The following MUC4 variants were observed in gnomAD, a reference collection of about 807,000 sequenced individuals.
The protein encoded by MUC4 is mucin 4, cell surface associated, also known as mucin-4.
Under a neutral mutation model 257.9 loss-of-function variants are expected in MUC4, and 202 were observed. That is an observed-to-expected ratio of 0.78 (90% CI 0.70 to 0.88). The LOEUF (loss-of-function observed/expected upper bound fraction) is 0.88, where lower values mean the gene tolerates loss of function less well. MUC4 is among the 40% of genes least tolerant of loss of function. The probability of loss-of-function intolerance (pLI) is 0.00; values close to 1 mark genes in which losing one functional copy is unlikely to be tolerated. For missense variants in MUC4, 5,976 were observed against 6,513.7 expected, an observed-to-expected ratio of 0.92 and a Z score of 2.84; for synonymous variants, 2,351 against 2,757.1, an observed-to-expected ratio of 0.85 and a Z score of 4.62.
chr3:195,802,124 G>C (rs1735401721), intron 1 of MUC4, among the ~76,000 whole-genome samples: 1 of 152,198 alleles, frequency 6.6e-6, no homozygotes, highest in South Asian at 2.1e-4. Context: ...CAATGCAACA[G>C]GTCCAGGTCA....
rs1317742026 is a variant in MUC4 at position 195,782,251 on chromosome 3, G to T, written c.9329C>A (p.Pro3110His). 4.1e-6 allele frequency: 6 copies of T among 1,474,752 alleles called. No homozygotes were observed. Among genetic ancestry groups the T allele is most frequent in the East Asian group, 5.0e-5 (2 of 39,782 alleles). The allele number at this position is 1,474,752 out of a possible 1,614,324, so 91.4% of individuals were successfully genotyped here. A position where few individuals can be genotyped will look rare whatever the true frequency, so the allele number is the denominator to read the frequency against. ...GGTGTGACCTGTGGATGCTGAGGAA[G>T]GGCTAGTGACAGGAAGAGGCGTGGT... Reference protein sequence around the residue: ...GDTTPLPVTSPSSASTGHTTP... With the variant: ...GDTTPLPVTSHSSASTGHTTP... Residue 3110 changes from proline to histidine, a missense_variant, in exon 2 of 25, where the codon CCT becomes CAT. By Grantham distance (77) the Pro-to-His change is moderately conservative. Around this residue, in one of 44 missense-constraint regions of MUC4, gnomAD observed 128 missense variants for 104.8 expected, o/e 1.22. Transcript: ENST00000463781.
rs1446203078 is a variant in MUC4, at chr3:195,782,805, C to T, written c.8775G>A (p.Gln2925=). Reference sequence around the variant, plus strand: ...GGCTGGTGACAGGAAGAGGGGTGGCCTGACCTGTGGATGCTGAGGAAGTGT... The same window carrying T: ...GGCTGGTGACAGGAAGAGGGGTGGCTTGACCTGTGGATGCTGAGGAAGTGT... ...VTDTSSASTG[Q]ATPLPVTSLS... Residue 2925 remains glutamine, a synonymous_variant, in exon 2 of 25, where the codon CAG becomes CAA. Coordinates refer to ENST00000463781, the MANE Select transcript of MUC4 (RefSeq NM_018406.7). 1 of 934,820 alleles carries T rather than the reference C, an allele frequency of 1.1e-6. No individual in the cohort carries two copies. The highest frequency in any genetic ancestry group is 1.3e-6 in the Non-Finnish European group (1 of 766,766). 57.9% of individuals were successfully genotyped at this position (934,820 alleles called of 1,614,324 possible). A position where few individuals can be genotyped will look rare whatever the true frequency, so the allele number is the denominator to read the frequency against.
rs772813508 is a variant in MUC4 at position 195,759,136 on chromosome 3, A to C, written c.14974T>G (p.Leu4992Val). The C allele has an allele frequency of 7.1e-5, 114 of 1,613,842 alleles. No individual in the cohort carries two copies. Among genetic ancestry groups the C allele is most frequent in the Middle Eastern group, 1.7e-4 (1 of 6,056 alleles). The change falls in exon 17 of 25, where the codon TTG (leucine) becomes GTG (valine). Residue 4992 changes from leucine to valine, a missense_variant. Transcript: ENST00000463781. ...NFTLRDSCTD[L>V]ELFENGTLLW... Reference sequence around the variant, plus strand: ...CAAATAGTCCTACCAAAGAGCTCCAAGTCGGTGCAGCTGTCTCTGAGCGTG... The same window carrying C: ...CAAATAGTCCTACCAAAGAGCTCCACGTCGGTGCAGCTGTCTCTGAGCGTG...
rs750033021 is a variant in MUC4 at position 195,778,289 on chromosome 3, C to T, written c.12943+14G>A. 8 of 1,602,298 alleles carry T rather than the reference C, an allele frequency of 5.0e-6. No individual in the cohort carries two copies. The highest frequency in any genetic ancestry group is 2.2e-5 in the South Asian group (2 of 90,056). ...ACCCCTCAAAAGGCACAGGCCTCACCTGTATGGCCTCACCTCTCTCAGGCA... is the reference window on the plus strand; with the variant it reads ...ACCCCTCAAAAGGCACAGGCCTCACTTGTATGGCCTCACCTCTCTCAGGCA... On this transcript the variant is annotated intron_variant, in intron 3 of 24. Transcript: ENST00000463781.
intron 1 of MUC4, among the ~76,000 whole-genome samples, chr3:195,811,463 G>A (rs900048935): frequency 1.3e-5 from 2 of 151,960 alleles, no homozygotes; most frequent in Non-Finnish European, 2.9e-5. Flanking sequence ...ATGAGCCACC[G>A]CGCACGGCCT....
At position 195,747,048 on chromosome 3, in the gene MUC4, A is replaced by G; in HGVS notation, c.*128T>C. On this transcript the variant is annotated 3_prime_UTR_variant, in exon 25 of 25. Transcript: ENST00000463781. ...AGTCTTGTCTTGATTCCCAGTATTC[A>G]TTCTCCTTGAAGAATCCTGACAGCC... 3.9e-6 allele frequency: 5 copies of G among 1,287,692 alleles called. No homozygotes were observed. Among genetic ancestry groups the G allele is most frequent in the Non-Finnish European group, 5.5e-6 (5 of 909,448 alleles). The allele number at this position is 1,287,692 out of a possible 1,614,324, so 79.8% of individuals were successfully genotyped here. A position where few individuals can be genotyped will look rare whatever the true frequency, so the allele number is the denominator to read the frequency against.
At chr3:195,793,153 A>T (rs1734084928) in intron 1 of MUC4, among the ~76,000 whole-genome samples, 1 of 152,100 alleles carries the variant, frequency 6.6e-6, no homozygotes, top group African/African-American at 2.4e-5. Flanking sequence ...TAAAAAGAAA[A>T]AATGAAAAAT....
In MUC4 at chr3:195,746,883, C is replaced by G; in HGVS notation, c.*293G>C. 2.4e-6 allele frequency: 1 copy of G among 424,416 alleles called. No homozygotes were observed. Among genetic ancestry groups the G allele is most frequent in the Admixed American group, 4.3e-5 (1 of 23,076 alleles). 26.3% of individuals were successfully genotyped at this position (424,416 alleles called of 1,614,324 possible). On this transcript the variant is annotated 3_prime_UTR_variant, in exon 25 of 25. Transcript: ENST00000463781. ...CTTAGGGCCATCACCACATTATGAA[C>G]TCGTGTGTGTGTGTGTGTGTGTGCA... is the stretch of plus-strand genomic sequence containing the variant.
rs112080314 is a variant in MUC4, at chr3:195,766,677, A to G, written c.13604T>C (p.Leu4535Pro). ...VWERYRPDRF[L>P]NSNSGLQGLQ... ...GGCACTTTTACCTGAGTTGGAATTC[A>G]GGAATCTATCAGGGCGATACCTCTC... is the stretch of plus-strand genomic sequence containing the variant. The change falls in exon 8 of 25, where the codon CTG becomes CCG. Residue 4535 changes from leucine to proline, a missense_variant. Physicochemically the swap from Leu to Pro is moderately conservative, Grantham distance 98 (BLOSUM62 -3). Around this residue, in one of 44 missense-constraint regions of MUC4, gnomAD observed 996 missense variants for 1,137.3 expected, o/e 0.88. Transcript: ENST00000463781. The G allele has an allele frequency of 1.2e-6, 2 of 1,614,186 alleles. No homozygotes were observed. The highest frequency in any genetic ancestry group is 1.7e-6 in the Non-Finnish European group (2 of 1,180,024).
In MUC4 at chr3:195,787,913, A is replaced by T. The variant is rs753716886; in HGVS notation, c.3667T>A (p.Ser1223Thr). 1 of 881,966 alleles carries T rather than the reference A, an allele frequency of 1.1e-6. No homozygotes were observed. Among genetic ancestry groups the T allele is most frequent in the Non-Finnish European group, 1.6e-6 (1 of 627,294 alleles). 54.6% of individuals were successfully genotyped at this position (881,966 alleles called of 1,614,324 possible). ...HATPLPVTDA[S>T]SVSTDHATSL... ...GTGGCGTGATCTGTGGACACTGAGGAAGCGTCGGTGACAGGAAGAGGGGTG... is the reference window on the plus strand; with the variant it reads ...GTGGCGTGATCTGTGGACACTGAGGTAGCGTCGGTGACAGGAAGAGGGGTG... The change falls in exon 2 of 25, where the codon TCC (serine) becomes ACC (threonine). Residue 1223 changes from serine (S) to threonine (T), a missense_variant. By Grantham distance (58) the Ser-to-Thr change is moderately conservative (BLOSUM62 1). This residue lies in a region of MUC4 where 90 missense variants were observed against 106.2 expected (regional missense o/e 0.85). Coordinates refer to ENST00000463781, the MANE Select transcript of MUC4 (RefSeq NM_018406.7).
intron 20 of MUC4, 172 bp from the exon 21 acceptor site, chr3:195,752,618 A>T: frequency 2.3e-6 from 1 of 435,862 alleles, no homozygotes; most frequent in Middle Eastern, 5.7e-4. Flanking sequence ...AGGTCGCTGA[A>T]GAAACCGGGA....
rs759724771 is a variant in MUC4, at chr3:195,782,564, C to T, written c.9016G>A (p.Ala3006Thr). The T allele has an allele frequency of 3.6e-5, 33 of 908,930 alleles. 2 individuals are homozygous for T. Among genetic ancestry groups the T allele is most frequent in the African/African-American group, 1.4e-4 (7 of 50,544 alleles). The allele number at this position is 908,930 out of a possible 1,614,324, so 56.3% of individuals were successfully genotyped here. Residue 3006 changes from alanine to threonine, a missense_variant, in exon 2 of 25, where the codon GCC becomes ACC. Ala to Thr is a moderately conservative substitution (Grantham distance 58). Coordinates refer to ENST00000463781, the MANE Select transcript of MUC4 (RefSeq NM_018406.7). Reference sequence around the variant, plus strand: ...GTGTCGGTGACAGGAAGAGAGGTGGCGTGACCTATGGATGCTGAGGAAGTG... The same window carrying T: ...GTGTCGGTGACAGGAAGAGAGGTGGTGTGACCTATGGATGCTGAGGAAGTG... ...TDTSSASIGH[A>T]TSLPVTDTSS... is the part of the protein sequence containing the mutation.
Position 195,754,394 on chromosome 3 carries a change from C to T in MUC4, c.15169-22G>A, listed in dbSNP as rs377545057. On this transcript the variant is annotated intron_variant, in intron 18 of 24. Coordinates refer to ENST00000463781, the MANE Select transcript of MUC4 (RefSeq NM_018406.7). ...CCACCTGGAGGAGGGTTGCCGATCACGGGCGGCCAGGAGACCAAACTGGGA... is the reference window on the plus strand; with the variant it reads ...CCACCTGGAGGAGGGTTGCCGATCATGGGCGGCCAGGAGACCAAACTGGGA... 26 of 1,590,760 alleles carry T rather than the reference C, an allele frequency of 1.6e-5. 1 individual carries two copies. In the East Asian group the frequency reaches 1.8e-4, roughly 11 times the overall value.
At chr3:195,795,238 G>A (rs142213244) in intron 1 of MUC4, among the ~76,000 whole-genome samples, 2 of 152,112 alleles carry the variant, frequency 1.3e-5, no homozygotes, top group African/African-American at 4.8e-5. Context: ...AGCTATCTAG[G>A]GGCCAAACTT....
In MUC4 at chr3:195,763,533, AAGG is replaced by A. The variant is rs749531024; in HGVS notation, c.14150_14152del (p.Ser4717del). On this transcript the variant is annotated inframe_deletion, in exon 12 of 25. Transcript: ENST00000463781. ...CTGGGCGGTGCGGCCCTGAAGCAGG[AAGG>A]AGGAGTTCCCGTCTTGGGCCCCGAC... is the stretch of plus-strand genomic sequence containing the variant. 5 of 1,582,838 alleles carry A rather than the reference AAGG, an allele frequency of 3.2e-6. No homozygotes were observed. The South Asian group carries it at 3.5e-5, about 11-fold the overall frequency.
Position 195,746,876 on chromosome 3 carries a change from T to G in MUC4, c.*300A>C. On this transcript the variant is annotated 3_prime_UTR_variant, in exon 25 of 25. Coordinates refer to ENST00000463781, the MANE Select transcript of MUC4 (RefSeq NM_018406.7). The stretch of plus-strand genomic sequence containing the variant: ...TGCTTAACTTAGGGCCATCACCACA[T>G]TATGAACTCGTGTGTGTGTGTGTGT... The G allele has an allele frequency of 8.5e-6, 4 of 468,970 alleles. No individual in the cohort carries two copies. The highest frequency in any genetic ancestry group is 1.5e-5 in the Non-Finnish European group (4 of 266,168). 29.1% of individuals were successfully genotyped at this position (468,970 alleles called of 1,614,324 possible). A position where few individuals can be genotyped will look rare whatever the true frequency, so the allele number is the denominator to read the frequency against.
Position 195,757,475 on chromosome 3 carries a change from TGGTATCGGG to T in MUC4, c.14987-156_14987-148del. Reference sequence around the variant, plus strand: ...ATTGGTCATTTCCTTTGAGCAAGGCTGGTATCGGGGGTGATCCTGGTCACGCTCCCAGCT... The same window carrying T: ...ATTGGTCATTTCCTTTGAGCAAGGCTGGTGATCCTGGTCACGCTCCCAGCT... On this transcript the variant is annotated intron_variant, in intron 17 of 24. Coordinates refer to ENST00000463781, the MANE Select transcript of MUC4 (RefSeq NM_018406.7). This position sits in a 1 kb window ranked among gnomAD's most constrained non-coding sequence, Gnocchi z 4.8. 1 of 773,078 alleles carries T rather than the reference TGGTATCGGG, an allele frequency of 1.3e-6. No homozygotes were observed. Among genetic ancestry groups the T allele is most frequent in the East Asian group, 2.8e-5 (1 of 36,164 alleles). 47.9% of individuals were successfully genotyped at this position (773,078 alleles called of 1,614,324 possible).
Position 195,788,445 on chromosome 3 carries a change from G to T in MUC4, c.3135C>A (p.Ser1045Arg), listed in dbSNP as rs1733208374. 46 of 1,522,808 alleles carry T rather than the reference G, an allele frequency of 3.0e-5. 1 individual carries two copies. The highest frequency in any genetic ancestry group is 4.1e-5 in the Non-Finnish European group (46 of 1,127,488). The allele number at this position is 1,522,808 out of a possible 1,614,324, so 94.3% of individuals were successfully genotyped here. ...TGHVTPLPVT[S>R]FSSASTGDST... is the part of the protein sequence containing the mutation. ...TGTCACCTGTGGATGCTGAGGAAAA[G>T]CTGGTGACAGGAAGAGGGGTGACGT... The change falls in exon 2 of 25, where the codon AGC (serine) becomes AGA (arginine). Residue 1045 changes from serine to arginine, a missense_variant. Transcript: ENST00000463781.
At position 195,782,287 on chromosome 3, in the gene MUC4, G is replaced by A. The variant is rs770302672; in HGVS notation, c.9293C>T (p.Ser3098Phe). ...PLPVTSLSSV[S>F]TGDTTPLPVT... ...AGGAAGAGGCGTGGTGTCACCTGTG[G>A]ATACTGAGGAAAGGCTGGTGACAGG... is the stretch of plus-strand genomic sequence containing the variant. Residue 3098 changes from serine (S) to phenylalanine (F), a missense_variant, in exon 2 of 25, where the codon TCC (serine) becomes TTC (phenylalanine). Around this residue, in one of 44 missense-constraint regions of MUC4, gnomAD observed 128 missense variants for 104.8 expected, o/e 1.22. Coordinates refer to ENST00000463781, the MANE Select transcript of MUC4 (RefSeq NM_018406.7). 5.2e-6 allele frequency: 8 copies of A among 1,539,628 alleles called. No homozygotes were observed. The highest frequency in any genetic ancestry group is 2.5e-5 in the East Asian group (1 of 40,420).
Sources: allele counts gnomAD v4.1 joint callset (sites outside exome capture counted in the v4.1 genomes callset), GRCh38; gene constraint gnomAD v4.1.1; regional missense constraint gnomAD v4.1.1; non-coding constraint Gnocchi (gnomAD v3.1); transcripts MANE v1.5; gene names NCBI Gene and HGNC (gene_info 2026-07-23, HGNC 2026-07-21).